LDLRAD4: variants seen among roughly 807,000 people sequenced by gnomAD.
LDLRAD4 encodes the protein low density lipoprotein receptor class A domain containing 4.
A neutral mutation model predicts 17.0 loss-of-function variants in LDLRAD4; 5 were observed. That is an observed-to-expected ratio of 0.29 (90% CI 0.15 to 0.62). LDLRAD4 has a LOEUF of 0.62. Ranked by LOEUF, LDLRAD4 falls within the 20% of genes least tolerant of loss-of-function variation. The probability of loss-of-function intolerance (pLI) is 0.84; values close to 1 mark genes in which losing one functional copy is unlikely to be tolerated. For missense variants in LDLRAD4, 340 were observed against 424.7 expected, an observed-to-expected ratio of 0.80 and a Z score of 1.75; for synonymous variants, 168 against 171.8, an observed-to-expected ratio of 0.98 and a Z score of 0.17.
intron 3 of LDLRAD4, among the ~76,000 whole-genome samples, chr18:13,470,296 C>G (rs1488565546): frequency 1.3e-5 from 2 of 152,096 alleles, no homozygotes; most frequent in Admixed American, 6.5e-5. Context: ...CGTATTTTCT[C>G]ACCTGCAAGT....
intron 3 of LDLRAD4, among the ~76,000 whole-genome samples, chr18:13,569,799 C>T (rs376115981): frequency 1.4e-4 from 21 of 152,306 alleles, no homozygotes; most frequent in East Asian, 1.2e-3. Context: ...GCAGGAGAAT[C>T]GCTTGAACCC....
chr18:13,640,705 G>C (rs946984975), intron 4 of LDLRAD4, among the ~76,000 whole-genome samples: 3 of 152,162 alleles, frequency 2.0e-5, no homozygotes, highest in Non-Finnish European at 4.4e-5. Flanking sequence ...GTGGTGTGGC[G>C]GGGAGGAGAC....
intron 3 of LDLRAD4, chr18:13,561,809 A>G (rs1046813595): frequency 3.9e-5 from 6 of 152,184 alleles, no homozygotes; most frequent in Middle Eastern, 3.2e-3. Context: ...GTGAATCTCA[A>G]ATCGATTTCG....
At chr18:13,454,949 C>T (rs74863490) in intron 3 of LDLRAD4, among the ~76,000 whole-genome samples, 6,957 of 152,342 alleles carry the variant, frequency 0.046, 297 homozygotes, top group East Asian at 0.17. Flanking sequence ...GCAGGGCATG[C>T]GCCCTGGTGG....
At chr18:13,271,799 T>G (rs1158528212) in intron 1 of LDLRAD4, among the ~76,000 whole-genome samples, 1 of 151,958 alleles carries the variant, frequency 6.6e-6, no homozygotes, top group Non-Finnish European at 1.5e-5. Context: ...CTGACAGATC[T>G]TGGTTGAAGG....
intron 1 of LDLRAD4, among the ~76,000 whole-genome samples, chr18:13,231,117 T>C (rs2042049552): frequency 6.6e-6 from 1 of 152,218 alleles, no homozygotes; most frequent in Non-Finnish European, 1.5e-5. Flanking sequence ...GTTCTTTCCC[T>C]GCCTGCATGG....
chr18:13,307,812 G>A (rs891894160), intron 1 of LDLRAD4, among the ~76,000 whole-genome samples: 3 of 152,198 alleles, frequency 2.0e-5, no homozygotes, highest in African/African-American at 2.4e-5. Context: ...TTGAAAATGT[G>A]TGTTAATTGG....
chr18:13,572,830 T>C (rs1026178235), intron 3 of LDLRAD4, among the ~76,000 whole-genome samples: 1 of 152,246 alleles, frequency 6.6e-6, no homozygotes, highest in African/African-American at 2.4e-5. Flanking sequence ...TAGCAGTGCA[T>C]ACCCGTGGCA....
At chr18:13,239,778 A>C (rs151239955) in intron 1 of LDLRAD4, 1 of 152,264 alleles carries the variant, frequency 6.6e-6, no homozygotes. Context: ...CCGGCTGGCA[A>C]ACCTCCAGCT....
intron 1 of LDLRAD4, among the ~76,000 whole-genome samples, chr18:13,331,697 T>C (rs1420977742): frequency 6.6e-6 from 1 of 152,234 alleles, no homozygotes; most frequent in Admixed American, 6.5e-5. Flanking sequence ...GTTGGATTAA[T>C]CTTGCAATGC....
At chr18:13,512,170 G>A (rs1011484942) in intron 3 of LDLRAD4, among the ~76,000 whole-genome samples, 8 of 152,056 alleles carry the variant, frequency 5.3e-5, no homozygotes, top group African/African-American at 1.9e-4. Context: ...GGTAGATATA[G>A]GCTGAGTAAG....
rs1157718015 is a variant in LDLRAD4, at chr18:13,610,265, A to ATTTTTTTTTT, written c.182-10821_182-10812dup. On this transcript the variant is annotated intron_variant, in intron 3 of 5. Transcript: ENST00000359446. ...TTCCATGAAGTTCACCAAAGCCCTA[A>ATTTTTTTTTT]TTTTTTTTTTTTTTTTTTTTTTTTT... Among the ~76,000 whole-genome samples the ATTTTTTTTTT allele has an allele frequency of 3.7e-4, 23 of 62,506 alleles. 6 individuals carry two copies. Among genetic ancestry groups the ATTTTTTTTTT allele is most frequent in the Non-Finnish European group, 7.1e-4 (21 of 29,686 alleles). The allele number at this position is 62,506 out of a possible 152,430, so 41.0% of individuals were successfully genotyped here. A position where few individuals can be genotyped will look rare whatever the true frequency, so the allele number is the denominator to read the frequency against.
At chr18:13,403,367 T>C (rs1227600766) in intron 2 of LDLRAD4, among the ~76,000 whole-genome samples, 2 of 152,228 alleles carry the variant, frequency 1.3e-5, no homozygotes, top group African/African-American at 2.4e-5. Flanking sequence ...GTGAAAAATA[T>C]ATCGGCCTGG....
intron 1 of LDLRAD4, among the ~76,000 whole-genome samples, chr18:13,260,029 G>A (rs1014140066): frequency 3.9e-5 from 6 of 152,218 alleles, no homozygotes; most frequent in Admixed American, 2.0e-4. Flanking sequence ...AGGACCTCTC[G>A]GATTTCTTGG....
intron 3 of LDLRAD4, among the ~76,000 whole-genome samples, chr18:13,485,132 G>A (rs991643622): frequency 6.6e-6 from 1 of 152,258 alleles, no homozygotes; most frequent in East Asian, 1.9e-4. Context: ...TGAGTGGAGA[G>A]TGTCGGAGCT....
chr18:13,262,059 C>T (rs9748242), intron 1 of LDLRAD4, among the ~76,000 whole-genome samples: 3,831 of 82,998 alleles, frequency 0.046, 4 homozygotes, highest in Middle Eastern at 0.098. Context: ...GAGTCCCGTG[C>T]GGCTCTGTGC....
intron 3 of LDLRAD4, chr18:13,488,867 C>T (rs183056495): frequency 2.0e-5 from 3 of 152,322 alleles, no homozygotes; most frequent in Admixed American, 6.5e-5. Flanking sequence ...CAGGGAGGTC[C>T]CTAAACACTA....
chr18:13,371,784 A>G (rs2084536671), intron 1 of LDLRAD4, among the ~76,000 whole-genome samples: 1 of 152,084 alleles, frequency 6.6e-6, no homozygotes, highest in African/African-American at 2.4e-5. Flanking sequence ...AGAGAGAGAA[A>G]GAGAGAGAGA....
intron 1 of LDLRAD4, among the ~76,000 whole-genome samples, chr18:13,326,549 C>T (rs752528045): frequency 6.6e-5 from 10 of 152,150 alleles, no homozygotes; most frequent in Admixed American, 2.0e-4. Context: ...AGATTGTAGA[C>T]GTGAAGTTAC....
Sources: allele counts gnomAD v4.1 joint callset (sites outside exome capture counted in the v4.1 genomes callset), GRCh38; gene constraint gnomAD v4.1.1; transcripts MANE v1.5; gene names NCBI Gene and HGNC (gene_info 2026-07-23, HGNC 2026-07-21).